The following PATL2 variants were observed in gnomAD, a reference collection of about 807,000 sequenced individuals.
The protein encoded by PATL2 is protein PAT1 homolog 2.
A neutral mutation model predicts 77.0 loss-of-function variants in PATL2; 73 were observed. The ratio of observed to expected loss-of-function variants is 0.95; its 90% confidence interval spans 0.78 to 1.15. The LOEUF is 1.15. Ranked by LOEUF, PATL2 falls within the 50% of genes most tolerant of loss-of-function variation. PATL2 has a pLI of 0.00. For synonymous variants in PATL2, 265 were observed against 257.1 expected, an observed-to-expected ratio of 1.03 and a Z score of -0.29; for missense variants, 618 against 655.4, an observed-to-expected ratio of 0.94 and a Z score of 0.62.
chr15:44,709,055 T>G (rs1214165924), intron 3 of PATL2, among the ~76,000 whole-genome samples: 2 of 152,064 alleles, frequency 1.3e-5, no homozygotes, highest in East Asian at 3.9e-4. Context: ...CCTGCCACCA[T>G]GCCTAGCTAA....
rs933165876 is a variant in PATL2 at position 44,703,723 on chromosome 15, CTTT to C, written c.-76+6370_-76+6372del. Among the ~76,000 whole-genome samples the C allele has an allele frequency of 5.0e-3, 165 of 32,958 alleles. 1 individual carries two copies. In the East Asian group the frequency reaches 0.051, roughly 10 times the overall value. The allele number at this position is 32,958 out of a possible 152,430, so 21.6% of individuals were successfully genotyped here. A position where few individuals can be genotyped will look rare whatever the true frequency, so the allele number is the denominator to read the frequency against. ...GTAGGCAACAAATCACCGGGTCTTG[CTTT>C]TTTTTTTTTTTTTTTTTTTTTTTTT... On this transcript the variant is annotated intron_variant, in intron 3 of 17. Transcript: ENST00000682850.
In PATL2 at chr15:44,669,382, C is replaced by G; in HGVS notation, c.962G>C (p.Gly321Ala). The stretch of plus-strand genomic sequence containing the variant: ...GGGCGGTGGAGGCCTATACTTCCAG[C>G]CTTCCTCTATTTCTAGTAACTGAAG... ...MFLQLLEIEE[G>A]WKYRPPPPCF... The change falls in exon 13 of 18, where the codon GGC (glycine) becomes GCC (alanine). Residue 321 changes from glycine (G) to alanine (A), a missense_variant. Gly to Ala is a moderately conservative substitution (Grantham distance 60). Transcript: ENST00000682850. 1 of 1,551,446 alleles carries G rather than the reference C, an allele frequency of 6.4e-7. No homozygotes were observed. The highest frequency in any genetic ancestry group is 8.7e-7 in the Non-Finnish European group (1 of 1,146,808).
Position 44,674,226 on chromosome 15 carries a change from G to T in PATL2, c.227C>A (p.Ala76Asp). Residue 76 changes from alanine (A) to aspartate (D), a missense_variant, in exon 6 of 18, where the codon GCT (alanine) becomes GAT (aspartate). Coordinates refer to ENST00000682850, the MANE Select transcript of PATL2 (RefSeq NM_001387263.1). ...CTTGACTCCAGGGGAGCTAAGCAGA[G>T]CTCTCTGGAACAGGAGGGAGGAAAA... is the stretch of plus-strand genomic sequence containing the variant. ...VLGAVHNTQR[A>D]LLSSPGVKAP... 1 of 1,546,536 alleles carries T rather than the reference G, an allele frequency of 6.5e-7. No individual in the cohort carries two copies.
In PATL2 at chr15:44,682,547, G is replaced by A. The variant is rs1413878569; in HGVS notation, c.-75-5982C>T. ...GAAAATTATGGACCTTTCCCTGAGAGAGAGACTTCTTCAGAGGGGTTTCTT... is the reference window on the plus strand; with the variant it reads ...GAAAATTATGGACCTTTCCCTGAGAAAGAGACTTCTTCAGAGGGGTTTCTT... On this transcript the variant is annotated intron_variant, in intron 3 of 17. Coordinates refer to ENST00000682850, the MANE Select transcript of PATL2 (RefSeq NM_001387263.1). 3.9e-5 allele frequency among the ~76,000 whole-genome samples: 6 copies of A among 152,226 alleles called. No homozygotes were observed. The South Asian group carries it at 1.0e-3, about 26-fold the overall frequency.
At chr15:44,700,627 C>A (rs533300561) in intron 3 of PATL2, among the ~76,000 whole-genome samples, 4 of 152,148 alleles carry the variant, frequency 2.6e-5, no homozygotes, top group African/African-American at 9.6e-5. Context: ...TATCCTCCAA[C>A]TTTACTGAAT....
At chr15:44,672,530 A>G in intron 7 of PATL2, 74 bp from the exon 8 acceptor site, 4 of 1,420,654 alleles carry the variant, frequency 2.8e-6, no homozygotes, top group Non-Finnish European at 3.9e-6. Flanking sequence ...CATTCAGCCC[A>G]GGTCAGCTCT....
At chr15:44,683,308 C>T (rs935075594) in intron 3 of PATL2, among the ~76,000 whole-genome samples, 8 of 152,148 alleles carry the variant, frequency 5.3e-5, no homozygotes, top group African/African-American at 1.9e-4. Context: ...GGATCCCACC[C>T]CCACAGAGCC....
intron 3 of PATL2, among the ~76,000 whole-genome samples, chr15:44,681,057 G>A (rs975997168): frequency 2.6e-5 from 4 of 152,200 alleles, no homozygotes; most frequent in Non-Finnish European, 4.4e-5. Flanking sequence ...TAGAGATGGG[G>A]TCTCGCTCTT....
rs911274806 is a variant in PATL2 at position 44,669,767 on chromosome 15, G to A, written c.876+10C>T. ...GGAGAGAAAAATGTCTGGGAAGATA[G>A]TGCTCCCACCTGCTCTTGAGTTCCA... On this transcript the variant is annotated intron_variant, in intron 11 of 17. Transcript: ENST00000682850. The A allele has an allele frequency of 1.9e-6, 3 of 1,551,400 alleles. No homozygotes were observed. In the Admixed American group the frequency reaches 5.9e-5, roughly 30 times the overall value.
chr15:44,677,392 C>A (rs1011164520), intron 3 of PATL2, among the ~76,000 whole-genome samples: 2 of 152,180 alleles, frequency 1.3e-5, no homozygotes, highest in Non-Finnish European at 2.9e-5. Flanking sequence ...TGAGAGACCC[C>A]TGTGAATTTG....
chr15:44,672,049 C>T lies in PATL2; in HGVS notation c.623G>A (p.Ser208Asn). ...GTAGTCATCCAGGCGGGGTTTTGCA[C>T]TCTGCAGCTGCACCATCTGCACTTT... ...VIKVQMVQLQ[S>N]AKPRLDDYYY... The change falls in exon 9 of 18, where the codon AGT (serine) becomes AAT (asparagine). Residue 208 changes from serine to asparagine, a missense_variant. Ser to Asn is a conservative substitution (Grantham distance 46). Coordinates refer to ENST00000682850, the MANE Select transcript of PATL2 (RefSeq NM_001387263.1). 1 of 1,551,718 alleles carries T rather than the reference C, an allele frequency of 6.4e-7. No homozygotes were observed. The highest frequency in any genetic ancestry group is 8.7e-7 in the Non-Finnish European group (1 of 1,146,996).
intron 3 of PATL2, among the ~76,000 whole-genome samples, chr15:44,681,521 C>T (rs569025274): frequency 1.3e-5 from 2 of 152,280 alleles, no homozygotes; most frequent in South Asian, 2.1e-4. Context: ...TTCTTCCCAT[C>T]CTTTGAATAT....
chr15:44,675,287 C>G (rs1254209082), intron 5 of PATL2, 199 bp downstream of exon 5: 1 of 632,120 alleles, frequency 1.6e-6, no homozygotes. Context: ...AAGGCGAGAA[C>G]AGCATCAGAA....
intron 15 of PATL2, 83 bp from the exon 16 acceptor site, chr15:44,667,286 T>C (rs1462559282): frequency 4.0e-6 from 4 of 990,728 alleles, no homozygotes; most frequent in East Asian, 5.2e-5. Flanking sequence ...TCTTCCCAAC[T>C]AAAGGACAGG....
At chr15:44,710,381 T>C (rs190084604) in intron 2 of PATL2, among the ~76,000 whole-genome samples, 167 bp from the exon 3 acceptor site, 1 of 152,308 alleles carries the variant, frequency 6.6e-6, no homozygotes, top group African/African-American at 2.4e-5. Context: ...ATCTGTGGAC[T>C]CCACCACCAC....
intron 3 of PATL2, among the ~76,000 whole-genome samples, chr15:44,704,020 G>A (rs1034626483): frequency 5.9e-5 from 9 of 151,562 alleles, no homozygotes; most frequent in East Asian, 1.9e-4. Context: ...TGGGGATCTC[G>A]CTTTGTCACC....
intron 3 of PATL2, among the ~76,000 whole-genome samples, chr15:44,706,749 C>T (rs984428345): frequency 8.5e-5 from 13 of 152,210 alleles, no homozygotes; most frequent in African/African-American, 1.4e-4. Context: ...TGGTAACCAC[C>T]GCCTGGCTAC....
At chr15:44,682,771 CAT>C (rs1255945803) in intron 3 of PATL2, among the ~76,000 whole-genome samples, 40 of 152,138 alleles carry the variant, frequency 2.6e-4, no homozygotes, top group Admixed American at 2.6e-3. Flanking sequence ...AAGATTTAAA[CAT>C]AAAAAAAATC....
At chr15:44,679,577 G>C (rs1258588304) in intron 3 of PATL2, among the ~76,000 whole-genome samples, 2 of 109,812 alleles carry the variant, frequency 1.8e-5, no homozygotes, top group Non-Finnish European at 3.7e-5. Flanking sequence ...TTTTTTAGTA[G>C]AGATAGGCTT....
Sources: allele counts gnomAD v4.1 joint callset (sites outside exome capture counted in the v4.1 genomes callset), GRCh38; gene constraint gnomAD v4.1.1; transcripts MANE v1.5; gene names NCBI Gene and HGNC (gene_info 2026-07-23, HGNC 2026-07-21).